ATL3: variants seen among roughly 807,000 people sequenced by gnomAD.
ATL3 encodes the protein atlastin GTPase 3.
ATL3 carries 49 observed loss-of-function variants against 69.5 expected under a neutral mutation model. The ratio of observed to expected loss-of-function variants is 0.71; its 90% CI spans 0.56 to 0.89. ATL3 has a LOEUF of 0.89. Among genes scored for constraint, ATL3 ranks in the 40% least tolerant of loss-of-function variants. The pLI, the probability that ATL3 is intolerant of heterozygous loss-of-function variation, is 0.00. For missense variants in ATL3, 606 were observed against 645.7 expected, an observed-to-expected ratio of 0.94 and a Z score of 0.67; for synonymous variants, 214 against 224.1, an observed-to-expected ratio of 0.95 and a Z score of 0.40.
intron 1 of ATL3, among the ~76,000 whole-genome samples, chr11:63,665,784 G>T (rs1378066062): frequency 6.6e-6 from 1 of 151,566 alleles, no homozygotes; most frequent in Non-Finnish European, 1.5e-5. Flanking sequence ...CAGCTACTTG[G>T]TATCACTTGA....
At chr11:63,630,739 T>C (rs1939284137) in intron 12 of ATL3, among the ~76,000 whole-genome samples, 1 of 144,758 alleles carries the variant, frequency 6.9e-6, no homozygotes, top group African/African-American at 2.6e-5. Context: ...GAGGTTGCAG[T>C]GAGCCAAGAT....
chr11:63,630,761 A>C (rs2134460635), intron 12 of ATL3, among the ~76,000 whole-genome samples: 1 of 146,466 alleles, frequency 6.8e-6, no homozygotes, highest in Non-Finnish European at 1.5e-5. Flanking sequence ...ATGCCACTGG[A>C]CTCCAGCCTG....
At chr11:63,652,346 C>T in intron 4 of ATL3, 125 bp downstream of exon 4, 2 of 639,642 alleles carry the variant, frequency 3.1e-6, no homozygotes, top group Non-Finnish European at 4.8e-6. Flanking sequence ...ACTGCATCTA[C>T]AGTTTAAAAA....
intron 8 of ATL3, among the ~76,000 whole-genome samples, chr11:63,637,252 G>C (rs1939550116): frequency 6.7e-6 from 1 of 148,736 alleles, no homozygotes; most frequent in South Asian, 2.1e-4. Context: ...CTCCAGCCTG[G>C]GCAACAGAGT....
intron 5 of ATL3, among the ~76,000 whole-genome samples, chr11:63,647,417 T>C (rs1341228760): frequency 6.6e-6 from 1 of 152,230 alleles, no homozygotes. Context: ...GGTCTTGAAC[T>C]CCTGACCTCA....
intron 9 of ATL3, 73 bp downstream of exon 9, chr11:63,636,134 A>G: frequency 6.4e-7 from 1 of 1,550,680 alleles, no homozygotes; most frequent in Non-Finnish European, 8.7e-7. Flanking sequence ...AAATATTTAA[A>G]TTCAAGTTGA....
intron 8 of ATL3, among the ~76,000 whole-genome samples, chr11:63,643,014 A>G (rs1248137573): frequency 6.6e-6 from 1 of 152,246 alleles, no homozygotes; most frequent in Non-Finnish European, 1.5e-5. Context: ...GCCATGCATC[A>G]TGCTGCCTTC....
chr11:63,645,208 A>T (rs576397508), intron 6 of ATL3, among the ~76,000 whole-genome samples: 1 of 152,082 alleles, frequency 6.6e-6, no homozygotes, highest in South Asian at 2.1e-4. Context: ...GGAGTTTGAG[A>T]CCAGCCGGTC....
intron 3 of ATL3, among the ~76,000 whole-genome samples, chr11:63,657,356 T>C (rs1211810935): frequency 1.3e-5 from 2 of 152,172 alleles, no homozygotes; most frequent in African/African-American, 2.4e-5. Flanking sequence ...AGAGGCTCTA[T>C]GCCCATAGCT....
Position 63,651,940 on chromosome 11 carries a change from A to C in ATL3, c.557T>G (p.Leu186Arg), listed in dbSNP as rs776366099. ...ATTGTTATGAGAAATATATACCTGC[A>C]GCTGTTGAAGATCATCTTCTTGAAT... The part of the protein sequence containing the change: ...QNIQEDDLQQ[L>R]QLFTEYGRLA... Residue 186 changes from leucine to arginine, a missense_variant, in exon 5 of 13, where the codon CTG (leucine) becomes CGG (arginine). Coordinates refer to ENST00000398868, the MANE Select transcript of ATL3 (RefSeq NM_015459.5). The C allele has an allele frequency of 3.8e-6, 6 of 1,595,236 alleles. No individual in the cohort carries two copies. The highest frequency in any genetic ancestry group is 5.1e-6 in the Non-Finnish European group (6 of 1,174,768).
rs117353672 is a variant in ATL3 at position 63,636,001 on chromosome 11, A to G, written c.978+206T>C. Among the ~76,000 whole-genome samples, 357 of 150,990 alleles carry G rather than the reference A, an allele frequency of 2.4e-3. 1 individual carries two copies. Among genetic ancestry groups the G allele is most frequent in the Non-Finnish European group, 3.9e-3 (262 of 67,814 alleles). Reference sequence around the variant, plus strand: ...TCACAGCTAATTGCTCCTCTAAGAGAGTGCAAAGAACATCCATTTGGTTCT... The same window carrying G: ...TCACAGCTAATTGCTCCTCTAAGAGGGTGCAAAGAACATCCATTTGGTTCT... On this transcript the variant is annotated intron_variant, in intron 9 of 12. Transcript: ENST00000398868.
intron 11 of ATL3, chr11:63,632,368 A>G: frequency 1.1e-6 from 1 of 891,822 alleles, no homozygotes; most frequent in Non-Finnish European, 1.9e-6. Flanking sequence ...AAATTCAGAT[A>G]CTGTCTTTGC....
intron 1 of ATL3, among the ~76,000 whole-genome samples, chr11:63,661,083 C>A (rs570161817): frequency 5.9e-4 from 89 of 151,512 alleles, no homozygotes; most frequent in African/African-American, 1.9e-3. Context: ...ATTAGCCATG[C>A]GTGGTGTCGC....
At position 63,629,153 on chromosome 11, in the gene ATL3, T is replaced by C; in HGVS notation, c.*166A>G. 3.4e-6 allele frequency: 2 copies of C among 591,120 alleles called. No individual in the cohort carries two copies. Among genetic ancestry groups the C allele is most frequent in the South Asian group, 4.8e-5 (2 of 41,466 alleles). 36.6% of individuals were successfully genotyped at this position (591,120 alleles called of 1,614,324 possible). On this transcript the variant is annotated 3_prime_UTR_variant, in exon 13 of 13. Coordinates refer to ENST00000398868, the MANE Select transcript of ATL3 (RefSeq NM_015459.5). The stretch of plus-strand genomic sequence containing the variant: ...GAGAAATGGAAGTGTGTTTAATAAT[T>C]TGAAACCACAGGAGAGGTCTGCTCA...
In ATL3 at chr11:63,634,089, G is replaced by A. The variant is rs187735300; in HGVS notation, c.1036-992C>T. ...AAGCCGGGTGTGGTGGCTTACGCCT[G>A]TAATCCCAGCACTTTGAGAGGCTGA... On this transcript the variant is annotated intron_variant, in intron 10 of 12. Coordinates refer to ENST00000398868, the MANE Select transcript of ATL3 (RefSeq NM_015459.5). Among the ~76,000 whole-genome samples, 455 of 147,868 alleles carry A rather than the reference G, an allele frequency of 3.1e-3. 3 individuals carry two copies. The highest frequency in any genetic ancestry group is 0.011 in the African/African-American group (427 of 40,192).
chr11:63,632,729 A>G, intron 11 of ATL3: 1 of 1,233,966 alleles, frequency 8.1e-7, no homozygotes, highest in Non-Finnish European at 1.2e-6. Flanking sequence ...ATTAGTAAGC[A>G]TTTATTCTTT....
Position 63,629,232 on chromosome 11 carries a change from C to A in ATL3, c.*87G>T. ...CCTGGATCGTCTCAGATCTGCCATT[C>A]CTCTGGATATGAACCTGTGGCCGTG... On this transcript the variant is annotated 3_prime_UTR_variant, in exon 13 of 13. Transcript: ENST00000398868. 2 of 1,060,514 alleles carry A rather than the reference C, an allele frequency of 1.9e-6. No homozygotes were observed. Among genetic ancestry groups the A allele is most frequent in the Non-Finnish European group, 1.5e-6 (1 of 683,476 alleles). 65.7% of individuals were successfully genotyped at this position (1,060,514 alleles called of 1,614,324 possible).
Position 63,651,918 on chromosome 11 carries a change from G to A in ATL3, c.561+18C>T. 1 of 1,582,054 alleles carries A rather than the reference G, an allele frequency of 6.3e-7. No homozygotes were observed. The highest frequency in any genetic ancestry group is 8.5e-7 in the Non-Finnish European group (1 of 1,170,610). ...TTTTAAATAATATGATGTTAAAATTGTTATGAGAAATATATACCTGCAGCT... is the reference window on the plus strand; with the variant it reads ...TTTTAAATAATATGATGTTAAAATTATTATGAGAAATATATACCTGCAGCT... On this transcript the variant is annotated intron_variant, in intron 5 of 12. Coordinates refer to ENST00000398868, the MANE Select transcript of ATL3 (RefSeq NM_015459.5).
chr11:63,654,156 T>G (rs1246751831), intron 3 of ATL3, among the ~76,000 whole-genome samples: 4 of 151,822 alleles, frequency 2.6e-5, no homozygotes, highest in Admixed American at 6.6e-5. Context: ...TTTGTTTTTT[T>G]TTTTTTTTTG....
Sources: allele counts gnomAD v4.1 joint callset (sites outside exome capture counted in the v4.1 genomes callset), GRCh38; gene constraint gnomAD v4.1.1; transcripts MANE v1.5; gene names NCBI Gene and HGNC (gene_info 2026-07-23, HGNC 2026-07-21).